The following RPS6KC1 variants were observed in gnomAD, a reference collection of about 807,000 sequenced individuals.
The protein encoded by RPS6KC1 is inactive ribosomal protein S6 kinase delta-1.
A neutral mutation model predicts 103.8 loss-of-function variants in RPS6KC1; 54 were observed. That is an observed-to-expected ratio of 0.52 (90% confidence interval 0.42 to 0.65). The LOEUF (loss-of-function observed/expected upper bound fraction) is 0.65, where lower values mean the gene tolerates loss of function less well. Among genes scored for constraint, RPS6KC1 ranks in the 30% least tolerant of loss-of-function variants. RPS6KC1 has a pLI of 0.00. For missense variants in RPS6KC1, 1,151 were observed against 1,253.8 expected (o/e 0.92, Z 1.24); for synonymous variants, 439 against 438.7 (o/e 1.00, Z -0.01).
the RPS6KC1 span, among the ~76,000 whole-genome samples, chr1:213,602,114 T>TC: frequency 3.4e-4 from 13 of 37,998 alleles, 3 homozygotes; most frequent in South Asian, 9.6e-4. Context: ...CTTTCTTTCT[T>TC]TCTTTCTCTT....
At chr1:213,409,537 A>G in the RPS6KC1 span, among the ~76,000 whole-genome samples, 13 of 152,192 alleles carry the variant, frequency 8.5e-5, no homozygotes, top group African/African-American at 3.1e-4. Flanking sequence ...TATGTTTAGT[A>G]TTCAGCTTAG....
At chr1:213,439,423 T>C in the RPS6KC1 span, among the ~76,000 whole-genome samples, 1 of 152,092 alleles carries the variant, frequency 6.6e-6, no homozygotes, top group East Asian at 1.9e-4. Flanking sequence ...CTTATTCTTA[T>C]TGGTAGAACT....
chr1:213,534,972 C>A, the RPS6KC1 span, among the ~76,000 whole-genome samples: 1 of 152,178 alleles, frequency 6.6e-6, no homozygotes, highest in Non-Finnish European at 1.5e-5. Flanking sequence ...GCACTGAGGA[C>A]ATACTATATC....
chr1:213,407,714 T>C, the RPS6KC1 span, among the ~76,000 whole-genome samples: 1 of 152,248 alleles, frequency 6.6e-6, no homozygotes, highest in African/African-American at 2.4e-5. Context: ...CATCTCATTT[T>C]CTAAGTAGGG....
At chr1:213,851,854 G>A in the RPS6KC1 span, among the ~76,000 whole-genome samples, 3 of 152,094 alleles carry the variant, frequency 2.0e-5, no homozygotes, top group African/African-American at 4.8e-5. Flanking sequence ...TGCACATCCA[G>A]TCAATGCCTC....
chr1:213,116,497 T>A (rs1486398738), intron 4 of RPS6KC1, among the ~76,000 whole-genome samples: 2 of 104,672 alleles, frequency 1.9e-5, no homozygotes, highest in Non-Finnish European at 3.8e-5. Context: ...GGGTCTTGAC[T>A]CTTTATCCAA....
chr1:213,609,673 C>A, the RPS6KC1 span, among the ~76,000 whole-genome samples: 1 of 151,598 alleles, frequency 6.6e-6, no homozygotes, highest in African/African-American at 2.4e-5. Flanking sequence ...ATCTCTTTGG[C>A]CTTGCAAAGT....
At chr1:213,060,430 A>G (rs2077727515) in intron 1 of RPS6KC1, among the ~76,000 whole-genome samples, 1 of 152,240 alleles carries the variant, frequency 6.6e-6, no homozygotes, top group African/African-American at 2.4e-5. Context: ...GTTGTAAAAT[A>G]TATTTATGCT....
chr1:213,775,237 G>A, the RPS6KC1 span, among the ~76,000 whole-genome samples: 1 of 152,098 alleles, frequency 6.6e-6, no homozygotes, highest in African/African-American at 2.4e-5. Flanking sequence ...ACATATAAAT[G>A]TACACTTATA....
chr1:213,446,408 C>A, the RPS6KC1 span, among the ~76,000 whole-genome samples: 1 of 152,152 alleles, frequency 6.6e-6, no homozygotes, highest in African/African-American at 2.4e-5. Context: ...TGGGAGCTGG[C>A]AAGACCAAAA....
the RPS6KC1 span, among the ~76,000 whole-genome samples, chr1:213,687,387 C>G: frequency 6.6e-6 from 1 of 152,174 alleles, no homozygotes; most frequent in African/African-American, 2.4e-5. Flanking sequence ...TGTCTAAGCT[C>G]TTCCCGTCTA....
the RPS6KC1 span, among the ~76,000 whole-genome samples, chr1:213,644,698 A>T: frequency 6.6e-6 from 1 of 152,154 alleles, no homozygotes; most frequent in Non-Finnish European, 1.5e-5. Flanking sequence ...TCATGACTTG[A>T]CAGCAAATGT....
intron 14 of RPS6KC1, among the ~76,000 whole-genome samples, chr1:213,269,625 TCAA>T (rs539899931): frequency 1.2e-3 from 187 of 152,214 alleles, no homozygotes; most frequent in South Asian, 2.9e-3. Context: ...AAAGTAGAAA[TCAA>T]CAAGAGGAGG....
chr1:213,272,862 G>A lies in RPS6KC1; in HGVS notation c.*228G>A, dbSNP rs1200176680. ...ATATACATATATACACAACCAAGGTGTGATCTGAATTTAATCCACATTTGG... is the reference window on the plus strand; with the variant it reads ...ATATACATATATACACAACCAAGGTATGATCTGAATTTAATCCACATTTGG... On this transcript the variant is annotated 3_prime_UTR_variant, in exon 15 of 15. Transcript: ENST00000366960. 1 of 323,280 alleles carries A rather than the reference G, an allele frequency of 3.1e-6. No homozygotes were observed. The highest frequency in any genetic ancestry group is 5.9e-6 in the Non-Finnish European group (1 of 169,640). 20.0% of individuals were successfully genotyped at this position (323,280 alleles called of 1,614,324 possible).
the RPS6KC1 span, among the ~76,000 whole-genome samples, chr1:213,676,551 G>A: frequency 6.6e-6 from 1 of 152,186 alleles, no homozygotes; most frequent in Non-Finnish European, 1.5e-5. Context: ...ATTCAGCAAT[G>A]GACAGATGAC....
chr1:213,167,439 AAC>A (rs199762137), intron 6 of RPS6KC1, among the ~76,000 whole-genome samples: 1,973 of 75,942 alleles, frequency 0.026, 26 homozygotes, highest in African/African-American at 0.035. Context: ...CAAGGTTGAA[AAC>A]ACACACACAC....
the RPS6KC1 span, among the ~76,000 whole-genome samples, chr1:213,679,752 C>G: frequency 5.3e-5 from 8 of 152,150 alleles, no homozygotes; most frequent in Admixed American, 5.2e-4. Flanking sequence ...GACTTAAAAC[C>G]TAAAAGCAGC....
rs1325671184 is a variant in RPS6KC1 at position 213,257,669 on chromosome 1, A to G, written c.2912-3889A>G. ...TATTATTGCTGCTATCATTATTGCA[A>G]TGTGTACCTACTGTGAACAAAGCAG... On this transcript the variant is annotated intron_variant, in intron 12 of 14. Transcript: ENST00000366960. Among the ~76,000 whole-genome samples, 7 of 152,046 alleles carry G rather than the reference A, an allele frequency of 4.6e-5. No individual in the cohort carries two copies. In the East Asian group the frequency reaches 5.8e-4, roughly 13 times the overall value.
At chr1:213,364,319 G>T in the RPS6KC1 span, among the ~76,000 whole-genome samples, 5 of 152,172 alleles carry the variant, frequency 3.3e-5, no homozygotes, top group African/African-American at 1.2e-4. Flanking sequence ...ACAAATTGCG[G>T]TACAGCACCC....
Sources: gnomAD v4.1 joint callset for allele counts (sites outside exome capture counted in the v4.1 genomes callset) on GRCh38, gnomAD v4.1.1 for gene constraint, MANE v1.5 for transcripts, NCBI Gene and HGNC (gene_info 2026-07-23, HGNC 2026-07-21) for gene names.